Variants in FAM168A observed in about 807,000 individuals in gnomAD.
FAM168A encodes family with sequence similarity 168 member A.
FAM168A carries 3 observed loss-of-function variants against 28.5 expected under a neutral mutation model. The observed-to-expected ratio is 0.11, with a 90% CI of 0.05 to 0.27. The LOEUF (loss-of-function observed/expected upper bound fraction) is 0.27, where lower values mean the gene tolerates loss of function less well. Among genes scored for constraint, FAM168A ranks in the 10% least tolerant of loss-of-function variants. FAM168A has a pLI of 1.00. For synonymous variants in FAM168A, 122 were observed against 124.2 expected, an observed-to-expected ratio of 0.98 and a Z score of 0.12; for missense variants, 222 against 311.5, an observed-to-expected ratio of 0.71 and a Z score of 2.16.
chr11:73,469,406 AT>A, intron 1 of FAM168A, among the ~76,000 whole-genome samples: 1 of 152,322 alleles, frequency 6.6e-6, no homozygotes, highest in East Asian at 1.9e-4. Context: ...TAGATGAGCA[AT>A]TTTTTAGGTC....
intron 1 of FAM168A, among the ~76,000 whole-genome samples, chr11:73,581,971 C>G (rs1388835926): frequency 6.6e-6 from 1 of 151,986 alleles, no homozygotes; most frequent in Non-Finnish European, 1.5e-5. Context: ...CCCACCTCGG[C>G]CTCCCAAAGT....
Position 73,450,604 on chromosome 11 carries a change from C to A in FAM168A, c.70+17801G>T, listed in dbSNP as rs188216831. ...ATCCGTAAGAAAAGGTTCACTGTAT[C>A]AGGATATTCACCTAGCTTATGGCCT... On this transcript the variant is annotated intron_variant, in intron 2 of 7. Coordinates refer to ENST00000356467, the MANE Select transcript of FAM168A (RefSeq NM_015159.3). 2.7e-3 allele frequency among the ~76,000 whole-genome samples: 408 copies of A among 152,102 alleles called. 3 individuals are homozygous for A. Among genetic ancestry groups the A allele is most frequent in the African/African-American group, 9.4e-3 (392 of 41,516 alleles).
chr11:73,499,352 C>A (rs967996053), intron 1 of FAM168A, among the ~76,000 whole-genome samples: 1 of 152,126 alleles, frequency 6.6e-6, no homozygotes, highest in Non-Finnish European at 1.5e-5. Flanking sequence ...AAGGCTCCCA[C>A]AAAAACCCCA....
rs554681011 is a variant in FAM168A at position 73,572,943 on chromosome 11, A to C, written c.-19+24980T>G. Among the ~76,000 whole-genome samples, 3 of 152,332 alleles carry C rather than the reference A, an allele frequency of 2.0e-5. No individual in the cohort carries two copies. In the East Asian group the frequency reaches 5.8e-4, roughly 29 times the overall value. ...TAGGTTGATGTTCCACTTAGGAAAA[A>C]TTTCATCCACATTACTGAAATGCTG... On this transcript the variant is annotated intron_variant, in intron 1 of 7. Coordinates refer to ENST00000356467, the MANE Select transcript of FAM168A (RefSeq NM_015159.3).
chr11:73,402,901 G>A lies in FAM168A; in HGVS notation c.*3862C>T, dbSNP rs1866438076. 6.6e-6 allele frequency: 1 copy of A among 152,234 alleles called. No individual in the cohort carries two copies. The highest frequency in any genetic ancestry group is 2.1e-4 in the South Asian group (1 of 4,832). The allele number at this position is 152,234 out of a possible 1,614,324, so 9.4% of individuals were successfully genotyped here. A position where few individuals can be genotyped will look rare whatever the true frequency, so the allele number is the denominator to read the frequency against. ...AGTTCATACAAATCTGCTCAGCTCA[G>A]AGACTGGGCTTCCCAGCTCTATAAA... On this transcript the variant is annotated 3_prime_UTR_variant, in exon 8 of 8. Transcript: ENST00000356467.
chr11:73,498,095 A>G (rs548446390), intron 1 of FAM168A, among the ~76,000 whole-genome samples: 1 of 152,318 alleles, frequency 6.6e-6, no homozygotes, highest in South Asian at 2.1e-4. Flanking sequence ...CGACTAGTAC[A>G]GCAGCTAAGA....
intron 1 of FAM168A, among the ~76,000 whole-genome samples, chr11:73,564,127 G>A (rs1943990450): frequency 2.0e-5 from 3 of 152,286 alleles, no homozygotes; most frequent in African/African-American, 4.8e-5. Context: ...CAAAAGTCCT[G>A]AACATTCAGT....
At chr11:73,558,509 C>T (rs1379805077) in intron 1 of FAM168A, among the ~76,000 whole-genome samples, 2 of 141,968 alleles carry the variant, frequency 1.4e-5, no homozygotes, top group East Asian at 2.0e-4. Context: ...AGACAACCCA[C>T]TGAATAAGAA....
rs142228080 is a variant in FAM168A, at chr11:73,543,871, A to G, written c.-19+54052T>C. 1.4e-4 allele frequency among the ~76,000 whole-genome samples: 21 copies of G among 152,254 alleles called. No individual in the cohort carries two copies. The East Asian group carries it at 3.5e-3, about 25-fold the overall frequency. On this transcript the variant is annotated intron_variant, in intron 1 of 7. Coordinates refer to ENST00000356467, the MANE Select transcript of FAM168A (RefSeq NM_015159.3). ...GAGATACATAAAGTGGCTCACATCT[A>G]TAATCCCAGCACTTTGGGAAGCCAA... is the stretch of plus-strand genomic sequence containing the variant.
chr11:73,431,498 C>G (rs1866993401), intron 2 of FAM168A, among the ~76,000 whole-genome samples: 1 of 151,386 alleles, frequency 6.6e-6, no homozygotes, highest in South Asian at 2.1e-4. Flanking sequence ...TGGCTTTCTA[C>G]ACATTTTTAT....
chr11:73,558,979 A>T (rs1943921938), intron 1 of FAM168A, among the ~76,000 whole-genome samples: 1 of 152,188 alleles, frequency 6.6e-6, no homozygotes, highest in African/African-American at 2.4e-5. Flanking sequence ...ACTAAAATAA[A>T]TACATCTACC....
rs1421129099 is a variant in FAM168A, at chr11:73,411,521, G to A, written c.293C>T (p.Thr98Ile). The stretch of plus-strand genomic sequence containing the variant: ...CTGGGTCGGTGGGACCTTGTATGGT[G>A]TCCCCGCAGTATATCCTGTACCAAG... ...SSAAFRYTAG[T>I]PYKVPPTQSN... The change falls in exon 5 of 8, where the codon ACA becomes ATA. Residue 98 changes from threonine (T) to isoleucine (I), a missense_variant. By Grantham distance (89) the Thr-to-Ile change is moderately conservative. Coordinates refer to ENST00000356467, the MANE Select transcript of FAM168A (RefSeq NM_015159.3). 1 of 1,614,030 alleles carries A rather than the reference G, an allele frequency of 6.2e-7. No individual in the cohort carries two copies. Among genetic ancestry groups the A allele is most frequent in the Non-Finnish European group, 8.5e-7 (1 of 1,179,972 alleles).
chr11:73,519,536 G>C (rs1943349391), intron 1 of FAM168A, among the ~76,000 whole-genome samples: 1 of 152,180 alleles, frequency 6.6e-6, no homozygotes, highest in African/African-American at 2.4e-5. Context: ...AAAGAGATTT[G>C]CTTGAGGATG....
At chr11:73,434,558 AG>A (rs1187686981) in intron 2 of FAM168A, among the ~76,000 whole-genome samples, 2 of 152,180 alleles carry the variant, frequency 1.3e-5, no homozygotes, top group Non-Finnish European at 2.9e-5. Context: ...ACAATGTTGG[AG>A]GAACAGCAAA....
intron 2 of FAM168A, among the ~76,000 whole-genome samples, chr11:73,442,743 TTATATTC>T (rs1015797543): frequency 2.6e-5 from 4 of 151,624 alleles, no homozygotes; most frequent in Non-Finnish European, 5.9e-5. Flanking sequence ...TTCTTGAGAA[TTATATTC>T]TATTATTGGA....
At chr11:73,508,478 G>T (rs571871701) in intron 1 of FAM168A, among the ~76,000 whole-genome samples, 28 of 152,164 alleles carry the variant, frequency 1.8e-4, no homozygotes, top group African/African-American at 6.8e-4. Context: ...GAGGCCTGGG[G>T]CTTTTCCACC....
intron 1 of FAM168A, among the ~76,000 whole-genome samples, chr11:73,505,242 A>G (rs76040008): frequency 1.7e-5 from 2 of 119,128 alleles, no homozygotes; most frequent in African/African-American, 5.1e-5. Context: ...TGCAAAAAGG[A>G]AAAAAAAAAA....
At chr11:73,476,645 CA>C (rs1867892784) in intron 1 of FAM168A, among the ~76,000 whole-genome samples, 2 of 151,442 alleles carry the variant, frequency 1.3e-5, no homozygotes, top group Non-Finnish European at 2.9e-5. Flanking sequence ...TTGGAATCAG[CA>C]GATAAATATT....
intron 2 of FAM168A, among the ~76,000 whole-genome samples, chr11:73,450,665 C>A (rs1565250629): frequency 7.0e-6 from 1 of 143,832 alleles, no homozygotes; most frequent in East Asian, 2.3e-4. Context: ...CCCCCCTTCT[C>A]CACTCCCCTC....
Sources: allele counts gnomAD v4.1 joint callset (sites outside exome capture counted in the v4.1 genomes callset), GRCh38; gene constraint gnomAD v4.1.1; transcripts MANE v1.5; gene names NCBI Gene and HGNC (gene_info 2026-07-23, HGNC 2026-07-21).